The following KANK1 variants were observed in gnomAD, a reference collection of about 807,000 sequenced individuals.
The protein encoded by KANK1 is KN motif and ankyrin repeat domains 1, also known as KN motif and ankyrin repeat domain-containing protein 1.
In KANK1, 109 loss-of-function variants were observed where a neutral mutation model predicts 106.2. That is an observed-to-expected ratio of 1.03 (90% CI 0.88 to 1.20). The LOEUF (loss-of-function observed/expected upper bound fraction) is 1.20, where lower values mean the gene tolerates loss of function less well. Ranked by LOEUF, KANK1 falls within the 50% of genes most tolerant of loss-of-function variation. The pLI is 0.00. For missense variants in KANK1, 2,399 were observed against 1,710.7 expected (o/e 1.40, Z -7.10); for synonymous variants, 873 against 652.2 (o/e 1.34, Z -5.16).
At position 732,627 on chromosome 9, in the gene KANK1, AT is replaced by A. The variant is rs1564108293; in HGVS notation, c.3245+12del. 1 of 1,610,630 alleles carries A rather than the reference AT, an allele frequency of 6.2e-7. No homozygotes were observed. The highest frequency in any genetic ancestry group is 8.5e-7 in the Non-Finnish European group (1 of 1,177,166). ...TGGAAATCAGAGAGAGGTGTGGTAC[AT>A]TCCCCTTCCCTCCCTTGCCCCTCCC... On this transcript the variant is annotated intron_variant, in intron 6 of 11. Coordinates refer to ENST00000382297, the MANE Select transcript of KANK1 (RefSeq NM_015158.5).
intron 2 of KANK1, chr9:707,037 C>G: frequency 3.0e-6 from 3 of 985,456 alleles, no homozygotes; most frequent in Non-Finnish European, 3.6e-6. Flanking sequence ...CAGCTGAGTG[C>G]GGCGGGGGTG....
At position 620,405 on chromosome 9, in the gene KANK1, A is replaced by AT. The variant is rs879479788; in HGVS notation, c.-83-56474dup. On this transcript the variant is annotated intron_variant, in intron 1 of 11. Coordinates refer to ENST00000382297, the MANE Select transcript of KANK1 (RefSeq NM_015158.5). ...GAAAAGCAAAATAGTGATAATTATA[A>AT]TTTTTTTTTTTGGAACGGAGTCTCG... Among the ~76,000 whole-genome samples the AT allele has an allele frequency of 5.6e-3, 843 of 149,924 alleles. 17 individuals carry two copies. The highest frequency in any genetic ancestry group is 0.019 in the African/African-American group (779 of 40,730).
chr9:718,298 C>CTTTTTTTTTTTT (rs60145502), intron 3 of KANK1, among the ~76,000 whole-genome samples: 1 of 74,088 alleles, frequency 1.3e-5, no homozygotes, highest in Non-Finnish European at 2.4e-5. Context: ...CTTGCTGTGT[C>CTTTTTTTTTTTT]TTTTTTTTTT....
intron 3 of KANK1, among the ~76,000 whole-genome samples, chr9:717,322 G>A (rs767762434): frequency 6.6e-6 from 1 of 152,084 alleles, no homozygotes; most frequent in Non-Finnish European, 1.5e-5. Context: ...TAAAAGTTCA[G>A]AAGAGCATAT....
intron 1 of KANK1, among the ~76,000 whole-genome samples, chr9:530,914 G>A (rs904263126): frequency 1.3e-5 from 2 of 152,128 alleles, no homozygotes; most frequent in African/African-American, 4.8e-5. Context: ...CATGATTGTG[G>A]CACTGCACTC....
At chr9:495,424 C>T (rs2058442328) in intron 3 of KANK1, 1 of 152,144 alleles carries the variant, frequency 6.6e-6, no homozygotes, top group Non-Finnish European at 1.5e-5. Context: ...GCCATCGTGC[C>T]TCCAACTTAG....
At chr9:488,584 A>T (rs886273123) in intron 3 of KANK1, among the ~76,000 whole-genome samples, 1 of 152,208 alleles carries the variant, frequency 6.6e-6, no homozygotes. Flanking sequence ...AGCAGTTCTG[A>T]TAACATCCTT....
At chr9:698,955 G>C (rs1212934355) in intron 2 of KANK1, among the ~76,000 whole-genome samples, 3 of 152,128 alleles carry the variant, frequency 2.0e-5, no homozygotes, top group Admixed American at 2.0e-4. Context: ...TTGATCCCCA[G>C]GGTCCTGTGG....
chr9:621,210 T>G (rs1225447014), intron 1 of KANK1, among the ~76,000 whole-genome samples: 1 of 152,170 alleles, frequency 6.6e-6, no homozygotes, highest in Non-Finnish European at 1.5e-5. Flanking sequence ...CTGATAGCTA[T>G]CACATAACAT....
At chr9:505,615 C>T (rs2058717900) in intron 1 of KANK1, among the ~76,000 whole-genome samples, 1 of 152,254 alleles carries the variant, frequency 6.6e-6, no homozygotes, top group South Asian at 2.1e-4. Flanking sequence ...TCTTGCGGGT[C>T]AGCACGAGCC....
At chr9:703,610 T>C (rs1202937170) in intron 2 of KANK1, among the ~76,000 whole-genome samples, 2 of 152,150 alleles carry the variant, frequency 1.3e-5, no homozygotes, top group Non-Finnish European at 2.9e-5. Context: ...GTTGCAGATA[T>C]AGCCAGTGGA....
intron 1 of KANK1, among the ~76,000 whole-genome samples, chr9:633,300 C>A (rs1563898099): frequency 6.6e-6 from 1 of 151,496 alleles, no homozygotes; most frequent in African/African-American, 2.4e-5. Flanking sequence ...ACTAAAAATA[C>A]AAAAAAAATT....
rs960310839 is a variant in KANK1 at position 708,781 on chromosome 9, C to G, written c.38-2023C>G. Among the ~76,000 whole-genome samples the G allele has an allele frequency of 5.3e-5, 8 of 152,250 alleles. No individual in the cohort carries two copies. In the East Asian group the frequency reaches 1.5e-3, roughly 29 times the overall value. ...GTATACTCAGGAGAGGGCAGGGAGA[C>G]TGATGGCTTACATTTTCACTCATTG... On this transcript the variant is annotated intron_variant, in intron 2 of 11. Coordinates refer to ENST00000382297, the MANE Select transcript of KANK1 (RefSeq NM_015158.5).
intron 1 of KANK1, among the ~76,000 whole-genome samples, chr9:532,666 G>A (rs183824389): frequency 2.0e-4 from 30 of 152,246 alleles, no homozygotes; most frequent in African/African-American, 6.0e-4. Context: ...GCTACTTGGC[G>A]TGAGCATCTT....
chr9:521,370 T>C (rs2059541939), intron 1 of KANK1, among the ~76,000 whole-genome samples: 1 of 151,518 alleles, frequency 6.6e-6, no homozygotes, highest in Non-Finnish European at 1.5e-5. Context: ...AAGTCTCTTC[T>C]GCTTGGTTGA....
At chr9:569,496 GCCT>G (rs1474327235) in intron 1 of KANK1, among the ~76,000 whole-genome samples, 2 of 152,154 alleles carry the variant, frequency 1.3e-5, no homozygotes, top group Non-Finnish European at 2.9e-5. Flanking sequence ...TCCCTGTGCT[GCCT>G]CCAGACTCTG....
At chr9:670,949 GTTTTTTTTT>G (rs5895857) in intron 1 of KANK1, among the ~76,000 whole-genome samples, 2 of 103,044 alleles carry the variant, frequency 1.9e-5, no homozygotes, top group African/African-American at 6.6e-5. Flanking sequence ...GTCTGCTGGA[GTTTTTTTTT>G]TTTTTTTTTT....
intron 1 of KANK1, among the ~76,000 whole-genome samples, chr9:579,296 C>T (rs565400023): frequency 6.6e-6 from 1 of 151,870 alleles, no homozygotes; most frequent in East Asian, 1.9e-4. Context: ...TGGTATTCAA[C>T]TGGGAATCTT....
intron 2 of KANK1, among the ~76,000 whole-genome samples, chr9:686,559 T>G (rs1818623876): frequency 6.6e-6 from 1 of 152,126 alleles, no homozygotes; most frequent in African/African-American, 2.4e-5. Flanking sequence ...TGTCAAACCA[T>G]TTCAACAATG....
Sources: gnomAD v4.1 joint callset for allele counts (sites outside exome capture counted in the v4.1 genomes callset) on GRCh38, gnomAD v4.1.1 for gene constraint, MANE v1.5 for transcripts, NCBI Gene and HGNC (gene_info 2026-07-23, HGNC 2026-07-21) for gene names.